Variants in ZNF438 observed in about 807,000 individuals in gnomAD.
ZNF438 encodes zinc finger protein 438.
In ZNF438, 25 loss-of-function variants were observed where a neutral mutation model predicts 38.0. The observed-to-expected ratio is 0.66, with a 90% confidence interval of 0.48 to 0.92. ZNF438 has a LOEUF of 0.92. Among genes scored for constraint, ZNF438 ranks in the 40% least tolerant of loss-of-function variants. The pLI is 0.00. For synonymous variants in ZNF438, 372 were observed against 364.1 expected (o/e 1.02, Z -0.25); for missense variants, 1,007 against 999.6 (o/e 1.01, Z -0.10).
intron 2 of ZNF438, chr10:30,921,237 C>T (rs770243260): frequency 6.6e-6 from 1 of 152,130 alleles, no homozygotes; most frequent in African/African-American, 2.4e-5. Context: ...GGTTGATTAG[C>T]AGGTTCAAGT....
intron 3 of ZNF438, among the ~76,000 whole-genome samples, chr10:30,902,865 G>A (rs1293564407): frequency 3.3e-5 from 5 of 152,224 alleles, no homozygotes; most frequent in East Asian, 1.9e-4. Flanking sequence ...AGCGGGTGGT[G>A]CTCCTTGGGG....
chr10:30,909,915 T>C (rs1240219158), intron 2 of ZNF438, among the ~76,000 whole-genome samples: 2 of 152,162 alleles, frequency 1.3e-5, no homozygotes, highest in South Asian at 2.1e-4. Flanking sequence ...GTAGGGTACA[T>C]AGAGTGATGC....
intron 3 of ZNF438, among the ~76,000 whole-genome samples, chr10:30,904,363 G>A (rs2042362544): frequency 6.6e-6 from 1 of 152,022 alleles, no homozygotes; most frequent in Admixed American, 6.5e-5. Context: ...CCCCTATCTT[G>A]GCTTCCACCA....
intron 1 of ZNF438, among the ~76,000 whole-genome samples, chr10:30,985,632 T>C (rs1254696197): frequency 6.6e-6 from 1 of 152,242 alleles, no homozygotes; most frequent in African/African-American, 2.4e-5. Flanking sequence ...TTGCTTTAAT[T>C]GCTACTTAAA....
At chr10:31,028,161 T>C (rs2057061690) in intron 1 of ZNF438, among the ~76,000 whole-genome samples, 1 of 151,918 alleles carries the variant, frequency 6.6e-6, no homozygotes. Context: ...TACATGTCAA[T>C]GTTAGAGATG....
chr10:30,956,870 C>T (rs1197698416), intron 1 of ZNF438, among the ~76,000 whole-genome samples: 1 of 152,174 alleles, frequency 6.6e-6, no homozygotes, highest in Non-Finnish European at 1.5e-5. Flanking sequence ...ATCTCTTCAA[C>T]AACATACTGA....
intron 5 of ZNF438, among the ~76,000 whole-genome samples, chr10:30,846,930 G>A (rs894382308): frequency 1.2e-4 from 18 of 152,204 alleles, no homozygotes; most frequent in Non-Finnish European, 2.5e-4. Flanking sequence ...GGTTGGGTGT[G>A]CACACGCTTG....
chr10:30,854,529 G>T (rs1409124662), intron 4 of ZNF438, among the ~76,000 whole-genome samples: 2 of 152,060 alleles, frequency 1.3e-5, no homozygotes, highest in Non-Finnish European at 2.9e-5. Context: ...TTTGTAAACA[G>T]TGGGGAAAAA....
At chr10:30,875,353 A>T in intron 4 of ZNF438, 1 of 985,362 alleles carries the variant, frequency 1.0e-6, no homozygotes, top group Non-Finnish European at 1.2e-6. Flanking sequence ...TGAAAGGAAC[A>T]CCTAGTCATT....
chr10:30,930,039 A>G (rs3006569), intron 2 of ZNF438, among the ~76,000 whole-genome samples: 115,471 of 152,102 alleles, frequency 0.76, 44,685 homozygotes, highest in African/African-American at 0.89. Flanking sequence ...GTGGAGCTGC[A>G]GCCAGTCCCG....
At chr10:30,987,177 G>C (rs1302076401) in intron 1 of ZNF438, among the ~76,000 whole-genome samples, 1 of 152,016 alleles carries the variant, frequency 6.6e-6, no homozygotes, top group Non-Finnish European at 1.5e-5. Context: ...AACTAAGGCT[G>C]GGTGTGGTGG....
intron 3 of ZNF438, among the ~76,000 whole-genome samples, chr10:30,893,012 C>T (rs762372102): frequency 1.1e-4 from 17 of 152,166 alleles, no homozygotes; most frequent in African/African-American, 1.7e-4. Context: ...TTTGCTAACA[C>T]GTGGGAAGTC....
chr10:30,916,758 G>A (rs567279406), intron 2 of ZNF438, among the ~76,000 whole-genome samples: 22 of 151,918 alleles, frequency 1.4e-4, no homozygotes, highest in Admixed American at 7.9e-4. Flanking sequence ...CCAGCTTTCT[G>A]GAACATATTA....
chr10:30,881,454 T>TA (rs1423095715), intron 3 of ZNF438, among the ~76,000 whole-genome samples: 3 of 151,756 alleles, frequency 2.0e-5, no homozygotes, highest in East Asian at 1.9e-4. Context: ...CACTGAAAAC[T>TA]AAAAAACACT....
chr10:30,845,007 A>C (rs1403162387), exon 6 of ZNF438: 1 of 1,614,090 alleles, frequency 6.2e-7, no homozygotes, highest in Non-Finnish European at 8.5e-7. Context: ...CTGGTTGGAG[A>C]CCGTATTTAA....
At chr10:30,857,786 A>G in intron 4 of ZNF438, 1 of 1,408,810 alleles carries the variant, frequency 7.1e-7, no homozygotes, top group Non-Finnish European at 9.4e-7. Flanking sequence ...GATCTGATGG[A>G]TATCATTTAC....
intron 2 of ZNF438, among the ~76,000 whole-genome samples, chr10:30,929,391 T>C (rs1017418654): frequency 3.3e-5 from 5 of 152,074 alleles, no homozygotes; most frequent in Admixed American, 6.5e-5. Context: ...TCGCAGTGAG[T>C]GTTACAGCTC....
At chr10:31,014,019 T>C (rs972292001) in intron 1 of ZNF438, among the ~76,000 whole-genome samples, 1 of 152,156 alleles carries the variant, frequency 6.6e-6, no homozygotes, top group Non-Finnish European at 1.5e-5. Context: ...TAAATGAAAA[T>C]TCCCTCAAAG....
chr10:30,916,540 T>G lies in ZNF438; in HGVS notation c.-114-7525A>C, dbSNP rs186050998. On this transcript the variant is annotated intron_variant, in intron 2 of 5. Coordinates refer to ENST00000413025, the Ensembl canonical transcript of ZNF438. ...GCTATCCTTTTTTGTTGTTGTTGTT[T>G]TTGCTTTCCTTTATAGTGTTACCAT... Among the ~76,000 whole-genome samples the G allele has an allele frequency of 2.8e-4, 43 of 152,156 alleles. No individual in the cohort carries two copies. In the East Asian group the frequency reaches 6.4e-3, roughly 22 times the overall value.
Sources: gnomAD v4.1 joint callset for allele counts (sites outside exome capture counted in the v4.1 genomes callset) on GRCh38, gnomAD v4.1.1 for gene constraint, MANE v1.5 for transcripts, NCBI Gene and HGNC (gene_info 2026-07-23, HGNC 2026-07-21) for gene names.